The following ZNF827 variants were observed in gnomAD, a reference collection of about 807,000 sequenced individuals.
The protein encoded by ZNF827 is zinc finger protein 827.
ZNF827 carries 13 observed loss-of-function variants against 102.4 expected under a neutral mutation model. The ratio of observed to expected loss-of-function variants is 0.13; its 90% CI spans 0.08 to 0.20. The LOEUF is 0.20. ZNF827 is among the 10% of genes least tolerant of loss of function. The pLI is 1.00. For missense variants in ZNF827, 1,103 were observed against 1,344.4 expected, an observed-to-expected ratio of 0.82 and a Z score of 2.81; for synonymous variants, 523 against 536.2, an observed-to-expected ratio of 0.98 and a Z score of 0.34.
intron 8 of ZNF827, among the ~76,000 whole-genome samples, chr4:145,811,787 G>A (rs1396198888): frequency 6.6e-6 from 1 of 152,138 alleles, no homozygotes; most frequent in Non-Finnish European, 1.5e-5. Context: ...TTGCCTGATT[G>A]GGATCAAAAT....
chr4:145,831,114 T>C (rs1055189723), intron 7 of ZNF827: 2 of 152,218 alleles, frequency 1.3e-5, no homozygotes, highest in Non-Finnish European at 2.9e-5. Flanking sequence ...TTCCTAAAGA[T>C]TTTATTTATT....
chr4:145,775,788 C>T lies in ZNF827; in HGVS notation c.2693+1G>A. 1 of 1,614,156 alleles carries T rather than the reference C, an allele frequency of 6.2e-7. No individual in the cohort carries two copies. The highest frequency in any genetic ancestry group is 8.5e-7 in the Non-Finnish European group (1 of 1,180,018). On this transcript the variant is annotated splice_donor_variant, in intron 10 of 14. Transcript: ENST00000508784. LOFTEE classifies it high-confidence loss of function. ...ACTAGCATGTTCCATCTGCAACTCA[C>T]CTGTAATAATAAGGATGTTTCTTCC...
chr4:145,837,697 A>G (rs371995110), intron 7 of ZNF827, among the ~76,000 whole-genome samples: 80 of 152,330 alleles, frequency 5.3e-4, no homozygotes, highest in African/African-American at 1.6e-3. Context: ...AATCTCCTTA[A>G]GCACTCTCTA....
intron 2 of ZNF827, among the ~76,000 whole-genome samples, chr4:145,901,955 C>T (rs1179128034): frequency 6.6e-6 from 1 of 152,162 alleles, no homozygotes; most frequent in Admixed American, 6.5e-5. Context: ...TATTCATTAC[C>T]TTTCAAAAGT....
chr4:145,779,971 A>T (rs771981037), intron 8 of ZNF827, among the ~76,000 whole-genome samples: 14 of 152,202 alleles, frequency 9.2e-5, no homozygotes, highest in Admixed American at 4.6e-4. Flanking sequence ...CGAGTAGATC[A>T]CTTGAGCTCA....
Position 145,879,342 on chromosome 4 carries a change from C to A in ZNF827, c.1747+6336G>T, listed in dbSNP as rs964491595. Among the ~76,000 whole-genome samples the A allele has an allele frequency of 2.0e-5, 3 of 152,190 alleles. No homozygotes were observed. The South Asian group carries it at 6.2e-4, about 32-fold the overall frequency. On this transcript the variant is annotated intron_variant, in intron 4 of 14. Coordinates refer to ENST00000508784, the MANE Select transcript of ZNF827 (RefSeq NM_001306215.2). The stretch of plus-strand genomic sequence containing the variant: ...CACAGTGCCCAGCTCACTGTAAGCA[C>A]ATTTGATTAATTATAGCTCTTAAAA...
Position 145,900,566 on chromosome 4 carries a change from C to T in ZNF827, c.1093+1600G>A, listed in dbSNP as rs186602060. Among the ~76,000 whole-genome samples the T allele has an allele frequency of 7.0e-3, 1,058 of 152,022 alleles. 12 individuals are homozygous for T. Among genetic ancestry groups the T allele is most frequent in the African/African-American group, 0.024 (1,000 of 41,462 alleles). On this transcript the variant is annotated intron_variant, in intron 2 of 14. Coordinates refer to ENST00000508784, the MANE Select transcript of ZNF827 (RefSeq NM_001306215.2). ...CTGGGATTACAGGCGCACACCACCA[C>T]GCCTGGTTAATTTTTGTATTTTTAG...
chr4:145,765,087 G>C lies in ZNF827; in HGVS notation c.3131C>G (p.Thr1044Ser), dbSNP rs1398275699. 2 of 1,614,082 alleles carry C rather than the reference G, an allele frequency of 1.2e-6. No homozygotes were observed. Among genetic ancestry groups the C allele is most frequent in the Non-Finnish European group, 1.7e-6 (2 of 1,180,042 alleles). ...GCACACATCACACTCAAACATCCGG[G>C]TGATGAGGTGTATCTGCAGATGACG... ...FERHLQIHLI[T>S]RMFECDVCHK... is the part of the protein sequence containing the mutation. The change falls in exon 13 of 15, where the codon ACC becomes AGC. Residue 1044 changes from threonine to serine, a missense_variant. Thr to Ser is a moderately conservative substitution (Grantham distance 58). Around this residue, in one of 5 missense-constraint regions of ZNF827, gnomAD observed 242 missense variants for 361.9 expected, o/e 0.67. Coordinates refer to ENST00000508784, the MANE Select transcript of ZNF827 (RefSeq NM_001306215.2). This position sits in a 1 kb window ranked among gnomAD's most constrained non-coding sequence, Gnocchi z 4.7.
chr4:145,871,467 C>T (rs975779091), intron 4 of ZNF827, among the ~76,000 whole-genome samples: 9 of 152,104 alleles, frequency 5.9e-5, no homozygotes, highest in Non-Finnish European at 1.2e-4. Context: ...CAGGAAAGAC[C>T]ACAAAGGAAG....
At chr4:145,859,527 C>T (rs1355795628) in intron 5 of ZNF827, among the ~76,000 whole-genome samples, 3 of 152,154 alleles carry the variant, frequency 2.0e-5, no homozygotes, top group South Asian at 2.1e-4. Context: ...ATGTTCCCTC[C>T]GGGCTCTCAC....
At chr4:145,933,982 G>A (rs188683429) in intron 1 of ZNF827, among the ~76,000 whole-genome samples, 1 of 152,228 alleles carries the variant, frequency 6.6e-6, no homozygotes, top group Admixed American at 6.5e-5. Flanking sequence ...ATCCAGTTCA[G>A]GATTCTGCTA....
chr4:145,861,907 T>A (rs1413128081), intron 5 of ZNF827, among the ~76,000 whole-genome samples: 1 of 152,142 alleles, frequency 6.6e-6, no homozygotes, highest in Non-Finnish European at 1.5e-5. Context: ...AGGGAGATGA[T>A]AATAAAACAA....
intron 1 of ZNF827, among the ~76,000 whole-genome samples, chr4:145,904,654 A>G (rs1751687836): frequency 6.6e-6 from 1 of 152,182 alleles, no homozygotes; most frequent in East Asian, 1.9e-4. Flanking sequence ...GCAGTGCCAT[A>G]GGAGGTCAGA....
rs150221279 is a variant in ZNF827, at chr4:145,763,594, C to T, written c.3231-472G>A. 3.1e-4 allele frequency among the ~76,000 whole-genome samples: 47 copies of T among 152,246 alleles called. 1 individual carries two copies. The highest frequency in any genetic ancestry group is 1.1e-3 in the African/African-American group (46 of 41,522). On this transcript the variant is annotated intron_variant, in intron 13 of 14. Transcript: ENST00000508784. The surrounding 1 kb of genome is among the most constrained non-coding windows in gnomAD (Gnocchi z 4.6). ...GACTTTGGAGGTCCCTGAGGAAAGG[C>T]GAACTGGCAAAGCCACAACTGGCAG...
chr4:145,888,179 G>A (rs918453534), intron 3 of ZNF827, among the ~76,000 whole-genome samples: 1 of 152,118 alleles, frequency 6.6e-6, no homozygotes. Context: ...GTTGACTTTT[G>A]CACTTAACAA....
At chr4:145,906,888 T>C (rs1751912923) in intron 1 of ZNF827, among the ~76,000 whole-genome samples, 1 of 152,226 alleles carries the variant, frequency 6.6e-6, no homozygotes. Context: ...CTTGGATGCA[T>C]GAAGAGTATC....
At chr4:145,871,263 C>T (rs948960394) in intron 4 of ZNF827, among the ~76,000 whole-genome samples, 23 of 152,176 alleles carry the variant, frequency 1.5e-4, no homozygotes, top group Admixed American at 1.4e-3. Flanking sequence ...CTAAGAAATT[C>T]ACATTACTAT....
chr4:145,936,444 ATT>A (rs374539907), intron 1 of ZNF827, among the ~76,000 whole-genome samples: 4 of 148,948 alleles, frequency 2.7e-5, no homozygotes, highest in African/African-American at 4.9e-5. Context: ...GCACAGGGGC[ATT>A]TTTTTTTTTT....
intron 8 of ZNF827, among the ~76,000 whole-genome samples, chr4:145,789,684 A>C (rs1739401876): frequency 6.6e-6 from 1 of 152,218 alleles, no homozygotes; most frequent in Non-Finnish European, 1.5e-5. Context: ...TCAACCATTT[A>C]TTACATTATA....
Sources: gnomAD v4.1 joint callset for allele counts (sites outside exome capture counted in the v4.1 genomes callset) on GRCh38, gnomAD v4.1.1 for gene constraint, gnomAD v4.1.1 regional missense constraint, Gnocchi (gnomAD v3.1) non-coding constraint, MANE v1.5 for transcripts, NCBI Gene and HGNC (gene_info 2026-07-23, HGNC 2026-07-21) for gene names.